PDE11A: variants seen among roughly 807,000 people sequenced by gnomAD.
PDE11A encodes the protein phosphodiesterase 11A.
A neutral mutation model predicts 100.5 loss-of-function variants in PDE11A; 100 were observed. The observed-to-expected ratio is 1.00, with a 90% CI of 0.85 to 1.18. PDE11A has a LOEUF of 1.18. Among genes scored for constraint, PDE11A ranks in the 50% most tolerant of loss-of-function variants. PDE11A has a pLI of 0.00. For synonymous variants in PDE11A, 381 were observed against 420.8 expected (o/e 0.91, Z 1.16); for missense variants, 1,141 against 1,152.6 (o/e 0.99, Z 0.15).
intron 10 of PDE11A, among the ~76,000 whole-genome samples, chr2:177,755,015 T>C (rs2082072181): frequency 2.6e-5 from 4 of 152,210 alleles, no homozygotes; most frequent in Admixed American, 2.6e-4. Flanking sequence ...AGAAGAAATC[T>C]GTGGGTTATT....
At chr2:177,951,045 A>T (rs747539047) in intron 2 of PDE11A, among the ~76,000 whole-genome samples, 2 of 152,210 alleles carry the variant, frequency 1.3e-5, no homozygotes, top group Non-Finnish European at 2.9e-5. Flanking sequence ...AACACAACTA[A>T]TATTTTACCA....
chr2:177,858,997 C>CA (rs1448115612), intron 5 of PDE11A, among the ~76,000 whole-genome samples: 4 of 151,902 alleles, frequency 2.6e-5, no homozygotes, highest in Non-Finnish European at 5.9e-5. Flanking sequence ...ATCTCAAGAA[C>CA]AAAAAACCAA....
intron 5 of PDE11A, among the ~76,000 whole-genome samples, chr2:177,846,230 T>G (rs1452347988): frequency 1.3e-5 from 2 of 152,238 alleles, no homozygotes; most frequent in Non-Finnish European, 2.9e-5. Context: ...TTTGCTGATT[T>G]CTAGCAAAGT....
chr2:177,917,739 C>G (rs1170407415), intron 2 of PDE11A, among the ~76,000 whole-genome samples: 1 of 152,020 alleles, frequency 6.6e-6, no homozygotes, highest in Non-Finnish European at 1.5e-5. Context: ...TATAAAATTG[C>G]TATTTAGAGA....
chr2:178,059,952 C>A (rs1001809187), intron 1 of PDE11A, among the ~76,000 whole-genome samples: 1 of 152,250 alleles, frequency 6.6e-6, no homozygotes, highest in Non-Finnish European at 1.5e-5. Flanking sequence ...AGCCTCCCTG[C>A]ACTTGGCTAT....
intron 19 of PDE11A, among the ~76,000 whole-genome samples, chr2:177,637,962 C>A (rs527239223): frequency 1.5e-5 from 2 of 132,010 alleles, no homozygotes; most frequent in Admixed American, 7.9e-5. Context: ...TACATATATA[C>A]GTATATATAT....
At chr2:177,685,303 A>T (rs2080927346) in intron 15 of PDE11A, among the ~76,000 whole-genome samples, 1 of 152,182 alleles carries the variant, frequency 6.6e-6, no homozygotes, top group Non-Finnish European at 1.5e-5. Flanking sequence ...AAACAACACA[A>T]AATCTATTCA....
intron 2 of PDE11A, among the ~76,000 whole-genome samples, chr2:178,013,768 CA>C (rs1366612735): frequency 1.3e-5 from 2 of 152,064 alleles, no homozygotes; most frequent in Non-Finnish European, 2.9e-5. Context: ...AATTTCAGAG[CA>C]AAAAGTACAT....
chr2:177,932,953 A>C (rs1434323910), intron 2 of PDE11A, among the ~76,000 whole-genome samples: 1 of 152,188 alleles, frequency 6.6e-6, no homozygotes, highest in Non-Finnish European at 1.5e-5. Flanking sequence ...TAGAACTGAT[A>C]ATTTTAGCAA....
chr2:177,945,378 C>T (rs1258946102), intron 2 of PDE11A, among the ~76,000 whole-genome samples: 100 of 140,992 alleles, frequency 7.1e-4, no homozygotes, highest in African/African-American at 2.1e-3. Context: ...AAGTGAGGAG[C>T]GCCTCTTCCC....
chr2:177,836,614 A>G (rs2083404262), intron 6 of PDE11A, among the ~76,000 whole-genome samples: 1 of 152,202 alleles, frequency 6.6e-6, no homozygotes, highest in Admixed American at 6.5e-5. Flanking sequence ...CCAGTGTGGA[A>G]GCTTTGTTCT....
At chr2:177,670,327 T>C (rs1338724087) in intron 17 of PDE11A, among the ~76,000 whole-genome samples, 2 of 152,232 alleles carry the variant, frequency 1.3e-5, no homozygotes, top group African/African-American at 4.8e-5. Context: ...TTTTCTACTT[T>C]TAATCCATTA....
At chr2:178,084,946 T>A (rs372420654) in intron 2 of PDE11A, among the ~76,000 whole-genome samples, 30 of 152,324 alleles carry the variant, frequency 2.0e-4, no homozygotes, top group African/African-American at 6.3e-4. Context: ...AGCAGAAGCT[T>A]CATGAAACAT....
intron 1 of PDE11A, among the ~76,000 whole-genome samples, chr2:178,014,789 C>T (rs189794676): frequency 6.6e-6 from 1 of 151,946 alleles, no homozygotes; most frequent in East Asian, 1.9e-4. Context: ...TATGAAATGT[C>T]ATATAAGAAA....
At chr2:177,696,288 G>A (rs1297858758) in intron 15 of PDE11A, among the ~76,000 whole-genome samples, 1 of 152,118 alleles carries the variant, frequency 6.6e-6, no homozygotes, top group Non-Finnish European at 1.5e-5. Flanking sequence ...AGGTAACATA[G>A]AAATGAGGCC....
intron 1 of PDE11A, among the ~76,000 whole-genome samples, chr2:178,044,503 A>G (rs1385690949): frequency 8.5e-6 from 1 of 117,160 alleles, no homozygotes; most frequent in Non-Finnish European, 1.9e-5. Flanking sequence ...CTTGTTTATA[A>G]TATAAACAAT....
chr2:178,043,192 A>T (rs1301604689), intron 1 of PDE11A, among the ~76,000 whole-genome samples: 2 of 152,150 alleles, frequency 1.3e-5, no homozygotes, highest in Non-Finnish European at 2.9e-5. Flanking sequence ...TACATTTTTA[A>T]TAAGAATCAA....
chr2:178,034,573 T>C (rs2086587321), intron 1 of PDE11A, among the ~76,000 whole-genome samples: 2 of 152,184 alleles, frequency 1.3e-5, no homozygotes, highest in South Asian at 4.1e-4. Context: ...AGAATACACA[T>C]TCTTCTCAGC....
At chr2:177,771,033 T>C (rs1212043798) in intron 9 of PDE11A, among the ~76,000 whole-genome samples, 1 of 152,192 alleles carries the variant, frequency 6.6e-6, no homozygotes, top group Non-Finnish European at 1.5e-5. Flanking sequence ...CTCATCATGT[T>C]TTCCAGGCTG....
Sources: allele counts gnomAD v4.1 joint callset (sites outside exome capture counted in the v4.1 genomes callset), GRCh38; gene constraint gnomAD v4.1.1; transcripts MANE v1.5; gene names NCBI Gene and HGNC (gene_info 2026-07-23, HGNC 2026-07-21).